Variants in AOPEP observed in about 807,000 individuals in gnomAD.
AOPEP encodes aminopeptidase O.
In AOPEP, 77 loss-of-function variants were observed where a neutral mutation model predicts 98.1. That is an observed-to-expected ratio of 0.78 (90% CI 0.65 to 0.95). The LOEUF (loss-of-function observed/expected upper bound fraction) is 0.95, where lower values mean the gene tolerates loss of function less well. Among genes scored for constraint, AOPEP ranks in the 40% least tolerant of loss-of-function variants. The probability of loss-of-function intolerance (pLI) is 0.00; values close to 1 mark genes in which losing one functional copy is unlikely to be tolerated. For synonymous variants in AOPEP, 346 were observed against 365.3 expected (o/e 0.95, Z 0.60); for missense variants, 1,024 against 1,024.7 (o/e 1.00, Z 0.01).
chr9:94,909,979 C>T (rs1057105189), intron 5 of AOPEP, among the ~76,000 whole-genome samples: 1 of 152,108 alleles, frequency 6.6e-6, no homozygotes, highest in African/African-American at 2.4e-5. Flanking sequence ...GAACCAGCCC[C>T]ACTCCTTCCC....
intron 11 of AOPEP, among the ~76,000 whole-genome samples, 161 bp downstream of exon 11, chr9:94,979,588 T>TC (rs541543588): frequency 1.3e-5 from 2 of 152,230 alleles, no homozygotes; most frequent in African/African-American, 4.8e-5. Flanking sequence ...CTCCCGCATT[T>TC]CCCCCCCTCA....
chr9:95,106,952 C>T, the AOPEP span: 1 of 1,030,776 alleles, frequency 9.7e-7, no homozygotes, highest in Non-Finnish European at 1.5e-6. Context: ...TTTATCTGTG[C>T]TGGGCAGCAT....
At chr9:94,990,926 C>T (rs1046341876) in intron 11 of AOPEP, among the ~76,000 whole-genome samples, 1 of 152,184 alleles carries the variant, frequency 6.6e-6, no homozygotes, top group Non-Finnish European at 1.5e-5. Context: ...CCGCGCCTGG[C>T]CAAAAGCAGA....
chr9:94,962,319 A>G (rs1476157842), intron 9 of AOPEP, among the ~76,000 whole-genome samples: 1 of 152,178 alleles, frequency 6.6e-6, no homozygotes, highest in African/African-American at 2.4e-5. Flanking sequence ...GCCCCTCCAC[A>G]GGCAAAAAAG....
chr9:95,041,134 C>G (rs1303825436), intron 13 of AOPEP, among the ~76,000 whole-genome samples: 1 of 151,246 alleles, frequency 6.6e-6, no homozygotes, highest in Non-Finnish European at 1.5e-5. Flanking sequence ...TTTACCAGTT[C>G]TTTTTACTAC....
chr9:95,086,463 T>C, intron 16 of AOPEP: 1 of 985,354 alleles, frequency 1.0e-6, no homozygotes, highest in Non-Finnish European at 1.2e-6. Context: ...ACGCAAAGCC[T>C]GAGTACAGCC....
intron 5 of AOPEP, among the ~76,000 whole-genome samples, chr9:94,839,817 G>A (rs1404558891): frequency 6.6e-6 from 1 of 152,064 alleles, no homozygotes; most frequent in Non-Finnish European, 1.5e-5. Context: ...CGCTCAGGCT[G>A]GAGTGCAGTG....
chr9:95,033,828 T>C (rs2064539009), intron 13 of AOPEP, among the ~76,000 whole-genome samples: 1 of 152,204 alleles, frequency 6.6e-6, no homozygotes, highest in African/African-American at 2.4e-5. Context: ...GGATTCTACA[T>C]ATAGAAGTCA....
chr9:94,887,811 C>CT (rs111773615), intron 5 of AOPEP, among the ~76,000 whole-genome samples: 4,433 of 151,438 alleles, frequency 0.029, 171 homozygotes, highest in African/African-American at 0.085. Context: ...GCAAATTAGG[C>CT]TTTTTTTTTC....
At chr9:95,079,603 ACCGAGCAAT>A (rs1286127803) in intron 14 of AOPEP, among the ~76,000 whole-genome samples, 1 of 152,218 alleles carries the variant, frequency 6.6e-6, no homozygotes, top group Non-Finnish European at 1.5e-5. Flanking sequence ...TGCCTGCAGC[ACCGAGCAAT>A]GCCGCCTGCT....
At chr9:95,119,403 G>A in the AOPEP span, among the ~76,000 whole-genome samples, 1 of 139,382 alleles carries the variant, frequency 7.2e-6, no homozygotes, top group Non-Finnish European at 1.5e-5. Flanking sequence ...GTCTTGCTCT[G>A]TTGCCAAGCT....
chr9:94,746,882 C>G (rs72747025), intron 1 of AOPEP, among the ~76,000 whole-genome samples: 6 of 152,066 alleles, frequency 3.9e-5, no homozygotes, highest in African/African-American at 1.4e-4. Context: ...CCCTCCCCCC[C>G]ACTTGACTGG....
the AOPEP span, among the ~76,000 whole-genome samples, chr9:95,124,764 A>T: frequency 6.6e-6 from 1 of 152,208 alleles, no homozygotes; most frequent in East Asian, 1.9e-4. Context: ...AGATGCAGCC[A>T]GGGGGCAGTG....
At chr9:94,739,328 T>C (rs1459120246) in intron 1 of AOPEP, among the ~76,000 whole-genome samples, 2 of 152,150 alleles carry the variant, frequency 1.3e-5, no homozygotes, top group Non-Finnish European at 2.9e-5. Flanking sequence ...AAAGATTTGG[T>C]TAAAGATAAG....
chr9:94,857,124 CT>C (rs2044318764), intron 5 of AOPEP, among the ~76,000 whole-genome samples: 1 of 152,184 alleles, frequency 6.6e-6, no homozygotes, highest in African/African-American at 2.4e-5. Flanking sequence ...GAAAAAATAT[CT>C]TTGCTCAGGA....
At chr9:95,146,482 C>A in the AOPEP span, among the ~76,000 whole-genome samples, 1 of 25,462 alleles carries the variant, frequency 3.9e-5, no homozygotes. Context: ...AGTGAGACCC[C>A]ATCTCAAAAA....
intron 5 of AOPEP, among the ~76,000 whole-genome samples, chr9:94,909,981 C>T (rs1392074155): frequency 6.6e-6 from 1 of 152,150 alleles, no homozygotes; most frequent in Non-Finnish European, 1.5e-5. Flanking sequence ...ACCAGCCCCA[C>T]TCCTTCCCAA....
intron 13 of AOPEP, among the ~76,000 whole-genome samples, chr9:95,038,799 C>T (rs748403668): frequency 5.9e-5 from 9 of 152,158 alleles, no homozygotes; most frequent in Admixed American, 1.3e-4. Context: ...TACTTCTAGG[C>T]GGACAGGTCT....
At chr9:94,815,666 A>G (rs1366549567) in intron 5 of AOPEP, among the ~76,000 whole-genome samples, 2 of 152,048 alleles carry the variant, frequency 1.3e-5, no homozygotes, top group Non-Finnish European at 2.9e-5. Context: ...ATCTTATCCC[A>G]ATGTCCTGGC....
Sources: gnomAD v4.1 joint callset for allele counts (sites outside exome capture counted in the v4.1 genomes callset) on GRCh38, gnomAD v4.1.1 for gene constraint, MANE v1.5 for transcripts, NCBI Gene and HGNC (gene_info 2026-07-23, HGNC 2026-07-21) for gene names.